NFAT5: variants seen among roughly 807,000 people sequenced by gnomAD.
NFAT5 encodes nuclear factor of activated T cells 5.
Under a neutral mutation model 166.5 loss-of-function variants are expected in NFAT5, and 31 were observed. That is an observed-to-expected ratio of 0.19 (90% confidence interval 0.14 to 0.25). NFAT5 has a LOEUF of 0.25. NFAT5 is among the 10% of genes least tolerant of loss of function. NFAT5 has a pLI of 1.00. For missense variants in NFAT5, 1,449 were observed against 1,821.8 expected, an observed-to-expected ratio of 0.80 and a Z score of 3.72; for synonymous variants, 612 against 639.7, an observed-to-expected ratio of 0.96 and a Z score of 0.65.
At chr16:69,651,774 G>A (rs577984142) in intron 4 of NFAT5, among the ~76,000 whole-genome samples, 16 of 151,504 alleles carry the variant, frequency 1.1e-4, no homozygotes, top group Non-Finnish European at 2.2e-4. Flanking sequence ...GGGTTCAAGT[G>A]ATTCTCCTGC....
intron 10 of NFAT5, among the ~76,000 whole-genome samples, chr16:69,678,205 TA>T (rs901688288): frequency 5.0e-5 from 5 of 100,576 alleles, no homozygotes; most frequent in Non-Finnish European, 9.2e-5. Context: ...TGAGAGGAAC[TA>T]AATTTTTTTT....
At chr16:69,659,495 T>G (rs2036032206) in intron 6 of NFAT5, among the ~76,000 whole-genome samples, 1 of 152,182 alleles carries the variant, frequency 6.6e-6, no homozygotes, top group Non-Finnish European at 1.5e-5. Flanking sequence ...AAAATAGTGA[T>G]TTTATTTTTT....
chr16:69,580,090 C>G (rs1567514989), intron 2 of NFAT5, among the ~76,000 whole-genome samples: 1 of 151,990 alleles, frequency 6.6e-6, no homozygotes, highest in African/African-American at 2.4e-5. Flanking sequence ...CAGAACAACT[C>G]AAGTGTTGCT....
In NFAT5 at chr16:69,695,383, A is replaced by C. The variant is rs1294970477; in HGVS notation, c.*8+4A>C. Reference sequence around the variant, plus strand: ...CTGGCTCCTTTTAACTGGATATGTAAGTATTGCATTTTGGCTTCTTATTGA... The same window carrying C: ...CTGGCTCCTTTTAACTGGATATGTACGTATTGCATTTTGGCTTCTTATTGA... On this transcript the variant is annotated splice_donor_region_variant and intron_variant, in intron 14 of 14. Coordinates refer to ENST00000349945, the MANE Select transcript of NFAT5 (RefSeq NM_138713.4). 1 of 1,590,704 alleles carries C rather than the reference A, an allele frequency of 6.3e-7. No individual in the cohort carries two copies. The highest frequency in any genetic ancestry group is 1.1e-5 in the South Asian group (1 of 90,600).
rs923365956 is a variant in NFAT5 at position 69,566,700 on chromosome 16, C to T, written c.73+326C>T. ...AGGCTCCGCGAGCCGCCGGCCCCGG[C>T]CTCCCGGGCTCGGGGATGGCCCCAG... On this transcript the variant is annotated intron_variant, in intron 1 of 14. Transcript: ENST00000349945. The surrounding 1 kb of genome is among the most constrained non-coding windows in gnomAD (Gnocchi z 5.7). Among the ~76,000 whole-genome samples, 1 of 152,078 alleles carries T rather than the reference C, an allele frequency of 6.6e-6. No homozygotes were observed. The highest frequency in any genetic ancestry group is 1.5e-5 in the Non-Finnish European group (1 of 67,972).
intron 2 of NFAT5, among the ~76,000 whole-genome samples, chr16:69,575,455 A>T (rs1309865113): frequency 2.6e-5 from 4 of 152,112 alleles, no homozygotes; most frequent in Admixed American, 2.6e-4. Context: ...GGTGTGAGCC[A>T]TTGGGCCTGG....
chr16:69,693,064 A>C lies in NFAT5; in HGVS notation c.3239A>C (p.Gln1080Pro). ...TCACTTCAATCTGGAAATTTTTTGCAGCAGTCTTCTCATTCACAGGCCCAA... is the reference window on the plus strand; with the variant it reads ...TCACTTCAATCTGGAAATTTTTTGCCGCAGTCTTCTCATTCACAGGCCCAA... ...MMSLQSGNFLQQSSHSQAQLF... is the reference protein window; with the variant it reads ...MMSLQSGNFLPQSSHSQAQLF... Residue 1080 changes from glutamine to proline, a missense_variant, in exon 13 of 15, where the codon CAG becomes CCG. Physicochemically the swap from Gln to Pro is moderately conservative, Grantham distance 76. Transcript: ENST00000349945. 6.2e-7 allele frequency: 1 copy of C among 1,614,102 alleles called. No individual in the cohort carries two copies. Among genetic ancestry groups the C allele is most frequent in the Non-Finnish European group, 8.5e-7 (1 of 1,180,040 alleles).
chr16:69,653,236 A>G lies in NFAT5; in HGVS notation c.813A>G (p.Gly271=), dbSNP rs766745122. Residue 271 remains glycine (G), a splice_region_variant and synonymous_variant, in exon 5 of 15, where the codon GGA becomes GGG. Coordinates refer to ENST00000349945, the MANE Select transcript of NFAT5 (RefSeq NM_138713.4). ...DNKGNSKAGN[G]TLENQKGTGV... is the part of the protein sequence containing the mutation. ...TCCATGTTGTGCTTTGATTTCTCAG[A>G]ACATTGGAAAACCAAAAAGGAACTG... The G allele has an allele frequency of 1.9e-6, 3 of 1,563,288 alleles. No homozygotes were observed. Among genetic ancestry groups the G allele is most frequent in the Non-Finnish European group, 2.6e-6 (3 of 1,163,198 alleles).
In NFAT5 at chr16:69,702,419, A is replaced by T. The variant is rs1254989276; in HGVS notation, c.*6068A>T. The T allele has an allele frequency of 6.6e-6, 1 of 152,288 alleles. No individual in the cohort carries two copies. Among genetic ancestry groups the T allele is most frequent in the East Asian group, 1.9e-4 (1 of 5,202 alleles). 9.4% of individuals were successfully genotyped at this position (152,288 alleles called of 1,614,324 possible). On this transcript the variant is annotated 3_prime_UTR_variant, in exon 15 of 15. Transcript: ENST00000349945. The stretch of plus-strand genomic sequence containing the variant: ...CATTTTAGAAACATTCAGCTTGCTA[A>T]CCTACATGTTTGGGAATTCATTAAA...
At chr16:69,660,858 G>A (rs970655968) in intron 7 of NFAT5, among the ~76,000 whole-genome samples, 1 of 151,484 alleles carries the variant, frequency 6.6e-6, no homozygotes, top group African/African-American at 2.4e-5. Context: ...GCCCAGGCTG[G>A]AGTGCAATGG....
At chr16:69,663,635 C>T (rs1422356332) in intron 7 of NFAT5, among the ~76,000 whole-genome samples, 4 of 148,196 alleles carry the variant, frequency 2.7e-5, no homozygotes, top group African/African-American at 1.0e-4. Context: ...TTTGGGAGGG[C>T]GAGGTAGGAA....
At chr16:69,673,686 G>T (rs1294883539) in intron 9 of NFAT5, among the ~76,000 whole-genome samples, 1 of 151,952 alleles carries the variant, frequency 6.6e-6, no homozygotes, top group Non-Finnish European at 1.5e-5. Context: ...TTCCGCCACT[G>T]CACTTCCACG....
intron 2 of NFAT5, among the ~76,000 whole-genome samples, chr16:69,608,771 C>T (rs149084090): frequency 1.0e-3 from 157 of 150,810 alleles, no homozygotes; most frequent in Non-Finnish European, 1.5e-3. Flanking sequence ...CCTGCCACCA[C>T]GCCCGGCTAA....
chr16:69,579,154 G>A lies in NFAT5; in HGVS notation c.127+10606G>A, dbSNP rs369009205. Among the ~76,000 whole-genome samples, 31 of 152,192 alleles carry A rather than the reference G, an allele frequency of 2.0e-4. No homozygotes were observed. In the East Asian group the frequency reaches 4.4e-3, roughly 22 times the overall value. On this transcript the variant is annotated intron_variant, in intron 2 of 14. Transcript: ENST00000349945. ...CTCCCAAAGTACTGGGATTACAGGC[G>A]CCGGCCACTGCGCCTGGCCATAAGT...
At chr16:69,606,535 A>T (rs1292308159) in intron 2 of NFAT5, among the ~76,000 whole-genome samples, 1 of 152,138 alleles carries the variant, frequency 6.6e-6, no homozygotes, top group East Asian at 1.9e-4. Flanking sequence ...CCAAGTACTT[A>T]CTATAGGAAG....
intron 11 of NFAT5, chr16:69,685,222 G>A (rs1425241769): frequency 6.8e-6 from 1 of 147,350 alleles, no homozygotes; most frequent in African/African-American, 2.6e-5. Context: ...GAGTGGAGGA[G>A]TTTTGTTTTT....
chr16:69,569,454 A>G (rs1161861658), intron 2 of NFAT5, among the ~76,000 whole-genome samples: 2 of 152,082 alleles, frequency 1.3e-5, no homozygotes, highest in Non-Finnish European at 2.9e-5. Flanking sequence ...CTACTTTAAA[A>G]AGGCCCTAAA....
intron 4 of NFAT5, chr16:69,649,193 A>G: frequency 1.0e-6 from 1 of 959,044 alleles, no homozygotes; most frequent in South Asian, 4.8e-5. Flanking sequence ...TAACTGTGAT[A>G]GTAACACAGA....
At chr16:69,604,077 C>G (rs1378487976) in intron 2 of NFAT5, among the ~76,000 whole-genome samples, 1 of 152,118 alleles carries the variant, frequency 6.6e-6, no homozygotes, top group East Asian at 1.9e-4. Flanking sequence ...CATATAAAGT[C>G]TAGATAGTAT....
Sources: gnomAD v4.1 joint callset for allele counts (sites outside exome capture counted in the v4.1 genomes callset) on GRCh38, gnomAD v4.1.1 for gene constraint, Gnocchi (gnomAD v3.1) non-coding constraint, MANE v1.5 for transcripts, NCBI Gene and HGNC (gene_info 2026-07-23, HGNC 2026-07-21) for gene names.